The following OR6J1 variants were observed in gnomAD, a reference collection of about 807,000 sequenced individuals.
OR6J1 encodes the protein olfactory receptor 6J1.
For synonymous variants in OR6J1, 109 were observed against 70.0 expected (o/e 1.56, Z -2.78); for missense variants, 304 against 166.8 (o/e 1.82, Z -4.53).
At chr14:22,638,704 C>G (rs2037616219) in intron 1 of OR6J1, among the ~76,000 whole-genome samples, 3 of 151,760 alleles carry the variant, frequency 2.0e-5, no homozygotes, top group Admixed American at 1.3e-4. Flanking sequence ...AGCAAGATAC[C>G]ATTTTATACC....
chr14:22,639,206 G>C (rs2037622346), intron 1 of OR6J1, among the ~76,000 whole-genome samples: 1 of 120,474 alleles, frequency 8.3e-6, no homozygotes, highest in Non-Finnish European at 1.6e-5. Context: ...TCTCCGCCCG[G>C]CAGCCACCCC....
At position 22,633,944 on chromosome 14, in the gene OR6J1, T is replaced by C. The variant is rs1263164436; in HGVS notation, c.868A>G (p.Thr290Ala). ...VTPFLNPFIY[T>A]LRNDTVQGVL... ...CCCTGCACTGTGTCATTCCTCAGAG[T>C]ATATATAAAGGGGTTGAGGAATGGA... Residue 290 changes from threonine to alanine, a missense_variant, in exon 2 of 2, where the codon ACT (threonine) becomes GCT (alanine). Thr to Ala is a moderately conservative substitution (Grantham distance 58). Transcript: ENST00000540461. 1.4e-6 allele frequency: 1 copy of C among 702,510 alleles called. No homozygotes were observed. Among genetic ancestry groups the C allele is most frequent in the Non-Finnish European group, 2.6e-6 (1 of 384,820 alleles). The allele number at this position is 702,510 out of a possible 1,614,324, so 43.5% of individuals were successfully genotyped here.
chr14:22,642,662 C>T lies in OR6J1; in HGVS notation c.-28+1436G>A, dbSNP rs73601350. 4.8e-3 allele frequency among the ~76,000 whole-genome samples: 728 copies of T among 152,032 alleles called. 5 individuals carry two copies. The highest frequency in any genetic ancestry group is 0.017 in the African/African-American group (704 of 41,452). ...AGATTTAAGGATATTTTAATGATCC[C>T]TCCTCCATTCCCTGGAAACTATTTT... is the stretch of plus-strand genomic sequence containing the variant. On this transcript the variant is annotated intron_variant, in intron 1 of 1. Transcript: ENST00000540461.
intron 1 of OR6J1, among the ~76,000 whole-genome samples, chr14:22,639,209 G>C (rs1240215311): frequency 2.5e-5 from 3 of 120,206 alleles, no homozygotes; most frequent in Non-Finnish European, 4.9e-5. Context: ...CCGCCCGGCA[G>C]CCACCCCGTC....
chr14:22,639,251 G>A lies in OR6J1; in HGVS notation c.-27-4413C>T, dbSNP rs1338010934. On this transcript the variant is annotated intron_variant, in intron 1 of 1. Transcript: ENST00000540461. ...GGAGGTGGTGGGGGGTCAGCCCCCCGCCAGGCCAGCCGCCCCGTCCGGGAG... is the reference window on the plus strand; with the variant it reads ...GGAGGTGGTGGGGGGTCAGCCCCCCACCAGGCCAGCCGCCCCGTCCGGGAG... Among the ~76,000 whole-genome samples the A allele has an allele frequency of 1.3e-4, 16 of 123,438 alleles. No homozygotes were observed. In the South Asian group the frequency reaches 1.9e-3, roughly 14 times the overall value. 81.0% of individuals were successfully genotyped at this position (123,438 alleles called of 152,430 possible).
chr14:22,639,015 A>G (rs1206728374), intron 1 of OR6J1, among the ~76,000 whole-genome samples: 2 of 98,274 alleles, frequency 2.0e-5, no homozygotes, highest in African/African-American at 6.0e-5. Context: ...CCCGGCCGAG[A>G]CCCCGTCTGG....
rs1295515379 is a variant in OR6J1 at position 22,637,897 on chromosome 14, G to A, written c.-27-3059C>T. On this transcript the variant is annotated intron_variant, in intron 1 of 1. Transcript: ENST00000540461. ...GTCGGCCAGCCGCCCTGTCCGGGAG[G>A]GAGGTGGGGGGGTCAGCCCCCGCCC... 4.6e-5 allele frequency among the ~76,000 whole-genome samples: 2 copies of A among 43,500 alleles called. 1 individual carries two copies. The highest frequency in any genetic ancestry group is 9.0e-5 in the Non-Finnish European group (2 of 22,268). The allele number at this position is 43,500 out of a possible 152,430, so 28.5% of individuals were successfully genotyped here.
At chr14:22,643,655 A>G (rs1452640291) in intron 1 of OR6J1, among the ~76,000 whole-genome samples, 1 of 151,046 alleles carries the variant, frequency 6.6e-6, no homozygotes, top group Non-Finnish European at 1.5e-5. Context: ...TAAAGAACCA[A>G]TGTAGCAGGA....
chr14:22,635,678 A>C (rs7144543), intron 1 of OR6J1, among the ~76,000 whole-genome samples: 5,436 of 152,310 alleles, frequency 0.036, 272 homozygotes, highest in African/African-American at 0.11. Flanking sequence ...ACACAGACCC[A>C]CACAGATGTG....
rs896533480 is a variant in OR6J1, at chr14:22,632,422, C to G, written c.*1346G>C. ...CTCTACTAAAAATACAAAAATTAGC[C>G]AGGCATGGTGGCACGCGCCTGTGGT... On this transcript the variant is annotated 3_prime_UTR_variant, in exon 2 of 2. Transcript: ENST00000540461. 2.0e-4 allele frequency: 31 copies of G among 152,132 alleles called. No individual in the cohort carries two copies. The highest frequency in any genetic ancestry group is 7.2e-4 in the African/African-American group (30 of 41,396). 9.4% of individuals were successfully genotyped at this position (152,132 alleles called of 1,614,324 possible). A position where few individuals can be genotyped will look rare whatever the true frequency, so the allele number is the denominator to read the frequency against.
At chr14:22,640,228 G>GGAAGGAT (rs2037633451) in intron 1 of OR6J1, among the ~76,000 whole-genome samples, 25 of 97,850 alleles carry the variant, frequency 2.6e-4, no homozygotes, top group African/African-American at 9.5e-4. Context: ...GAGGGAGGGA[G>GGAAGGAT]GGAAGGAAGG....
chr14:22,641,357 GAA>G (rs2037648049), intron 1 of OR6J1, among the ~76,000 whole-genome samples: 1 of 132,088 alleles, frequency 7.6e-6, no homozygotes, highest in Non-Finnish European at 1.7e-5. Flanking sequence ...AGGGAAGAAA[GAA>G]AGAAAGGGGG....
intron 1 of OR6J1, among the ~76,000 whole-genome samples, chr14:22,641,199 G>GA (rs2037642373): frequency 1.7e-5 from 2 of 116,460 alleles, no homozygotes; most frequent in African/African-American, 7.0e-5. Context: ...AGACAGAGAG[G>GA]GAGAGAAAGA....
rs1230415176 is a variant in OR6J1, at chr14:22,639,262, C to T, written c.-27-4424G>A. On this transcript the variant is annotated intron_variant, in intron 1 of 1. Transcript: ENST00000540461. ...GGGGTCAGCCCCCCGCCAGGCCAGC[C>T]GCCCCGTCCGGGAGGTGAGGGGCGC... Among the ~76,000 whole-genome samples the T allele has an allele frequency of 5.5e-5, 7 of 127,224 alleles. 1 individual carries two copies. The highest frequency in any genetic ancestry group is 1.4e-4 in the Admixed American group (2 of 14,042). 83.5% of individuals were successfully genotyped at this position (127,224 alleles called of 152,430 possible).
chr14:22,641,209 A>AGAAAGAAAGAAAG (rs1566397555), intron 1 of OR6J1, among the ~76,000 whole-genome samples: 9 of 18,706 alleles, frequency 4.8e-4, no homozygotes, highest in Non-Finnish European at 6.8e-4. Flanking sequence ...GGAGAGAAAG[A>AGAAAGAAAGAAAG]TAAGAAAGAA....
In OR6J1 at chr14:22,639,232, G is replaced by A. The variant is rs1184091627; in HGVS notation, c.-27-4394C>T. 7.9e-4 allele frequency among the ~76,000 whole-genome samples: 94 copies of A among 119,548 alleles called. 5 individuals are homozygous for A. The South Asian group carries it at 0.022, about 28-fold the overall frequency. 78.4% of individuals were successfully genotyped at this position (119,548 alleles called of 152,430 possible). A position where few individuals can be genotyped will look rare whatever the true frequency, so the allele number is the denominator to read the frequency against. On this transcript the variant is annotated intron_variant, in intron 1 of 1. Coordinates refer to ENST00000540461, the MANE Select transcript of OR6J1 (RefSeq NM_001348233.2). ...CAGCCACCCCGTCCGGGAGGGAGGT[G>A]GTGGGGGGTCAGCCCCCCGCCAGGC... is the stretch of plus-strand genomic sequence containing the variant.
rs2037571094 is a variant in OR6J1, at chr14:22,634,613, T to C, written c.199A>G (p.Ile67Val). The change falls in exon 2 of 2, where the codon ATC becomes GTC. Residue 67 changes from isoleucine to valine, a missense_variant. Coordinates refer to ENST00000540461, the MANE Select transcript of OR6J1 (RefSeq NM_001348233.2). ...ACTGAGGTGAAGAGGATGTCCAGGATAGAGAGGTTGCACAAGAAGAAGTAC... is the reference window on the plus strand; with the variant it reads ...ACTGAGGTGAAGAGGATGTCCAGGACAGAGAGGTTGCACAAGAAGAAGTAC... Reference protein sequence around the residue: ...PMYFFLCNLSILDILFTSVIS... With the variant: ...PMYFFLCNLSVLDILFTSVIS... 1.4e-6 allele frequency: 1 copy of C among 731,978 alleles called. No homozygotes were observed. Among genetic ancestry groups the C allele is most frequent in the East Asian group, 2.5e-5 (1 of 39,328 alleles). 45.3% of individuals were successfully genotyped at this position (731,978 alleles called of 1,614,324 possible).
chr14:22,640,485 AT>A (rs1299631664), intron 1 of OR6J1, among the ~76,000 whole-genome samples: 1,316 of 117,994 alleles, frequency 0.011, 12 homozygotes, highest in African/African-American at 0.032. Flanking sequence ...GTGAGAATGT[AT>A]TTTTTTTTTT....
At position 22,633,861 on chromosome 14, in the gene OR6J1, T is replaced by C. The variant is rs775745411; in HGVS notation, c.951A>G (p.Ala317=). The C allele has an allele frequency of 1.4e-6, 1 of 702,756 alleles. No individual in the cohort carries two copies. The highest frequency in any genetic ancestry group is 2.6e-6 in the Non-Finnish European group (1 of 384,852). 43.5% of individuals were successfully genotyped at this position (702,756 alleles called of 1,614,324 possible). The part of the protein sequence containing the change: ...VRGVFEKRMR[A]VLRSRLSSNK... ...TGGAGGATAATCTGCTTCTCAGCAC[T>C]GCCCTCATCCTCTTTTCAAAAACTC... The change falls in exon 2 of 2, where the codon GCA becomes GCG. Residue 317 remains alanine (A), a synonymous_variant. Transcript: ENST00000540461.
Sources: gnomAD v4.1 joint callset for allele counts (sites outside exome capture counted in the v4.1 genomes callset) on GRCh38, gnomAD v4.1.1 for gene constraint, MANE v1.5 for transcripts, NCBI Gene and HGNC (gene_info 2026-07-23, HGNC 2026-07-21) for gene names.